BCR: variants seen among roughly 807,000 people sequenced by gnomAD.
BCR encodes the protein BCR activator of RhoGEF and GTPase, also known as breakpoint cluster region protein.
In BCR, 58 loss-of-function variants were observed where a neutral mutation model predicts 138.6. That is an observed-to-expected ratio of 0.42 (90% confidence interval 0.34 to 0.52). The LOEUF (loss-of-function observed/expected upper bound fraction) is 0.52. BCR is among the 20% of genes least tolerant of loss of function. The probability of loss-of-function intolerance (pLI) is 0.06; values close to 1 mark genes in which losing one functional copy is unlikely to be tolerated. For missense variants in BCR, 1,599 were observed against 1,727.2 expected, an observed-to-expected ratio of 0.93 and a Z score of 1.32; for synonymous variants, 786 against 730.1, an observed-to-expected ratio of 1.08 and a Z score of -1.23.
Position 23,181,047 on chromosome 22 carries a change from C to T in BCR, c.87C>T (p.Gly29=). The change falls in exon 1 of 23, where the codon GGC becomes GGT. Residue 29 remains glycine, a synonymous_variant. Coordinates refer to ENST00000305877, the MANE Select transcript of BCR (RefSeq NM_004327.4). The part of the protein sequence containing the change: ...EPPRMELRSV[G]DIEQELERCK... ...CGCGCATGGAGCTGCGCTCAGTGGG[C>T]GACATCGAGCAGGAGCTGGAGCGCT... 1 of 1,520,878 alleles carries T rather than the reference C, an allele frequency of 6.6e-7. No individual in the cohort carries two copies. The allele number at this position is 1,520,878 out of a possible 1,614,324, so 94.2% of individuals were successfully genotyped here.
At chr22:23,255,277 T>C (rs2073280316) in intron 2 of BCR, among the ~76,000 whole-genome samples, 1 of 152,204 alleles carries the variant, frequency 6.6e-6, no homozygotes, top group Admixed American at 6.5e-5. Flanking sequence ...AACATGTACC[T>C]GCTCCGTGCA....
chr22:23,186,568 C>T lies in BCR; in HGVS notation c.1279+4329C>T, dbSNP rs12167285. Among the ~76,000 whole-genome samples the T allele has an allele frequency of 2.0e-3, 301 of 152,324 alleles. 2 individuals are homozygous for T. The highest frequency in any genetic ancestry group is 6.9e-3 in the African/African-American group (287 of 41,572). ...ACTCCCCATTCCCTGCCCCCAGCCC[C>T]TGGCACTGCCATTCTCCATCTGTGT... On this transcript the variant is annotated intron_variant, in intron 1 of 22. Coordinates refer to ENST00000305877, the MANE Select transcript of BCR (RefSeq NM_004327.4).
chr22:23,234,101 C>T (rs1216022910), intron 1 of BCR, among the ~76,000 whole-genome samples: 1 of 152,152 alleles, frequency 6.6e-6, no homozygotes, highest in Non-Finnish European at 1.5e-5. Flanking sequence ...GGCATTTTTA[C>T]AGAGACCATG....
At chr22:23,245,738 C>T (rs887655560) in intron 1 of BCR, among the ~76,000 whole-genome samples, 3 of 151,878 alleles carry the variant, frequency 2.0e-5, no homozygotes, top group African/African-American at 7.3e-5. Flanking sequence ...AGGATACTCT[C>T]AGCCCTCGGG....
At chr22:23,254,095 C>T (rs2073265649) in intron 2 of BCR, 115 bp downstream of exon 2, 5 of 1,247,758 alleles carry the variant, frequency 4.0e-6, no homozygotes, top group South Asian at 1.6e-5. Context: ...GGTTTGGAAG[C>T]GAGTGGGTCA....
At chr22:23,307,662 C>G (rs910734948) in intron 16 of BCR, 4 of 152,080 alleles carry the variant, frequency 2.6e-5, no homozygotes, top group African/African-American at 9.7e-5. Flanking sequence ...GGCCGCATGG[C>G]CCCCGGTGGG....
At chr22:23,263,551 G>A (rs943416406) in intron 4 of BCR, 81 of 1,575,142 alleles carry the variant, frequency 5.1e-5, no homozygotes, top group South Asian at 1.8e-4. Flanking sequence ...TACCAGTTCC[G>A]TCCAGATGGT....
At chr22:23,227,610 G>A (rs2072909462) in intron 1 of BCR, among the ~76,000 whole-genome samples, 1 of 152,206 alleles carries the variant, frequency 6.6e-6, no homozygotes, top group Non-Finnish European at 1.5e-5. Flanking sequence ...GTGACACAGG[G>A]CATTGGCCTT....
intron 1 of BCR, among the ~76,000 whole-genome samples, chr22:23,253,395 C>A (rs2073254091): frequency 6.6e-6 from 1 of 152,212 alleles, no homozygotes; most frequent in South Asian, 2.1e-4. Context: ...AACCAGCCCC[C>A]TTCCTGAGGC....
chr22:23,206,372 G>A (rs758463345), intron 1 of BCR, among the ~76,000 whole-genome samples: 3 of 151,972 alleles, frequency 2.0e-5, no homozygotes, highest in African/African-American at 4.8e-5. Context: ...CAGGAGATCG[G>A]GACCATCCTG....
intron 4 of BCR, among the ~76,000 whole-genome samples, chr22:23,266,079 G>T (rs999719667): frequency 3.3e-5 from 5 of 151,606 alleles, no homozygotes; most frequent in African/African-American, 1.2e-4. Flanking sequence ...CCATGACCTT[G>T]ACTTTTTTTT....
chr22:23,297,520 G>A lies in BCR; in HGVS notation c.3012+2365G>A, dbSNP rs537266862. ...GAGGGAGCAGACTGCAAAGCCAGTC[G>A]TGCTCCCATCGCTCCCACTTCTCTC... is the stretch of plus-strand genomic sequence containing the variant. On this transcript the variant is annotated intron_variant, in intron 16 of 22. Coordinates refer to ENST00000305877, the MANE Select transcript of BCR (RefSeq NM_004327.4). Among the ~76,000 whole-genome samples, 62 of 152,220 alleles carry A rather than the reference G, an allele frequency of 4.1e-4. No individual in the cohort carries two copies. The East Asian group carries it at 0.01, about 25-fold the overall frequency.
At chr22:23,311,647 T>C (rs749654354) in intron 18 of BCR, 50 bp from the exon 19 acceptor site, 28 of 1,488,298 alleles carry the variant, frequency 1.9e-5, no homozygotes, top group Non-Finnish European at 2.5e-5. Context: ...TCCTGTGTTA[T>C]GGCCCAAGCA....
intron 1 of BCR, among the ~76,000 whole-genome samples, chr22:23,234,573 G>T (rs903545011): frequency 6.6e-6 from 1 of 152,194 alleles, no homozygotes; most frequent in African/African-American, 2.4e-5. Context: ...CAGCCCAGGA[G>T]GGTGGTCAGG....
chr22:23,243,889 C>T (rs555059863), intron 1 of BCR, among the ~76,000 whole-genome samples: 14 of 152,268 alleles, frequency 9.2e-5, no homozygotes, highest in Admixed American at 3.3e-4. Flanking sequence ...GATCCGCCTG[C>T]CTCAGCCTCC....
At chr22:23,297,920 G>A (rs1260090069) in intron 16 of BCR, among the ~76,000 whole-genome samples, 3 of 152,162 alleles carry the variant, frequency 2.0e-5, no homozygotes, top group East Asian at 1.9e-4. Context: ...ATTTATGCAC[G>A]TGACCTGTGC....
chr22:23,300,126 T>A (rs1442304012), intron 16 of BCR, among the ~76,000 whole-genome samples: 1 of 152,048 alleles, frequency 6.6e-6, no homozygotes, highest in Non-Finnish European at 1.5e-5. Context: ...TCTCCAGAAC[T>A]TTTTTTTCAT....
chr22:23,270,545 A>C (rs2073498491), intron 5 of BCR, among the ~76,000 whole-genome samples: 1 of 152,156 alleles, frequency 6.6e-6, no homozygotes, highest in Admixed American at 6.5e-5. Context: ...CTGCTGAGTC[A>C]GATATACAGA....
intron 11 of BCR, 83 bp from the exon 12 acceptor site, chr22:23,288,014 G>T: frequency 7.6e-7 from 1 of 1,319,916 alleles, no homozygotes; most frequent in Non-Finnish European, 1.1e-6. Context: ...TACGAGTTGT[G>T]TGCTCTAAGG....
Sources: allele counts gnomAD v4.1 joint callset (sites outside exome capture counted in the v4.1 genomes callset), GRCh38; gene constraint gnomAD v4.1.1; transcripts MANE v1.5; gene names NCBI Gene and HGNC (gene_info 2026-07-23, HGNC 2026-07-21).